AP1S1: variants seen among roughly 807,000 people sequenced by gnomAD.
AP1S1 encodes the protein AP-1 complex subunit sigma-1A.
A neutral mutation model predicts 23.9 loss-of-function variants in AP1S1; 13 were observed. The observed-to-expected ratio is 0.54, with a 90% CI of 0.35 to 0.86. The LOEUF is 0.86. AP1S1 is among the 40% of genes least tolerant of loss of function. AP1S1 has a pLI of 0.01. For synonymous variants in AP1S1, 84 were observed against 77.7 expected (o/e 1.08, Z -0.43); for missense variants, 119 against 197.6 (o/e 0.60, Z 2.38).
In AP1S1 at chr7:101,156,597, C is replaced by G; in HGVS notation, c.7C>G (p.Arg3Gly). 6.2e-7 allele frequency: 1 copy of G among 1,610,744 alleles called. No individual in the cohort carries two copies. Among genetic ancestry groups the G allele is most frequent in the Non-Finnish European group, 8.5e-7 (1 of 1,178,438 alleles). Residue 3 changes from arginine to glycine, a missense_variant, in exon 2 of 5, where the codon CGG becomes GGG. Physicochemically the swap from Arg to Gly is moderately radical, Grantham distance 125 (BLOSUM62 -2). Transcript: ENST00000337619. MM[R>G]FMLLFSRQGK... ...TCTGCCCTCCCATCCCCCACAGATG[C>G]GGTTCATGCTATTATTCAGCCGGCA...
At chr7:101,159,434 T>A in intron 4 of AP1S1, 1 of 536,648 alleles carries the variant, frequency 1.9e-6, no homozygotes, top group Admixed American at 3.7e-5. Flanking sequence ...TCTGTCCTTC[T>A]CCCAAGCCCC....
At chr7:101,154,726 A>C in intron 1 of AP1S1, 1 of 63,662 alleles carries the variant, frequency 1.6e-5, no homozygotes, top group Non-Finnish European at 2.1e-5. Flanking sequence ...GCGCATTTGC[A>C]GGGCGAGCGG....
intron 1 of AP1S1, among the ~76,000 whole-genome samples, chr7:101,155,846 G>C (rs2116685354): frequency 6.6e-6 from 1 of 152,300 alleles, no homozygotes; most frequent in East Asian, 1.9e-4. Context: ...TTTGGCGTCG[G>C]TTACTGTCGT....
Position 101,159,145 on chromosome 7 carries a change from C to T in AP1S1, c.378C>T (p.Thr126=). 1 of 1,613,776 alleles carries T rather than the reference C, an allele frequency of 6.2e-7. No homozygotes were observed. Among genetic ancestry groups the T allele is most frequent in the Non-Finnish European group, 8.5e-7 (1 of 1,179,814 alleles). ...EFLMGGDVQD[T]SKKSVLKAIE... Reference sequence around the variant, plus strand: ...TGATGGGGGGGGATGTCCAGGACACCTCCAAGAAGAGTGTGCTGAAAGCCA... The same window carrying T: ...TGATGGGGGGGGATGTCCAGGACACTTCCAAGAAGAGTGTGCTGAAAGCCA... The change falls in exon 4 of 5, where the codon ACC becomes ACT. Residue 126 remains threonine (T), a synonymous_variant. Transcript: ENST00000337619.
chr7:101,159,377 G>T, intron 4 of AP1S1, 181 bp downstream of exon 4: 1 of 862,898 alleles, frequency 1.2e-6, no homozygotes. Context: ...CCATGGGGTG[G>T]GAGGTAGGGT....
At position 101,159,206 on chromosome 7, in the gene AP1S1, AG is replaced by A. The variant is rs1797044602; in HGVS notation, c.429+13del. ...TGACCTACTGCAAGAGGTACGGGCC[AG>A]GGACAGTGAGGAGGAGGAGGAAGCG... On this transcript the variant is annotated intron_variant, in intron 4 of 4. Transcript: ENST00000337619. The A allele has an allele frequency of 2.5e-6, 4 of 1,604,820 alleles. No homozygotes were observed. The highest frequency in any genetic ancestry group is 3.4e-6 in the Non-Finnish European group (4 of 1,175,870).
intron 1 of AP1S1, 140 bp from the exon 2 acceptor site, chr7:101,156,452 GCT>G: frequency 1.0e-6 from 1 of 973,060 alleles, no homozygotes; most frequent in Non-Finnish European, 1.5e-6. Context: ...AGACTCAGAA[GCT>G]CTGACTTCCC....
chr7:101,156,563 A>T, intron 1 of AP1S1, 31 bp from the exon 2 acceptor site: 1 of 1,592,822 alleles, frequency 6.3e-7, no homozygotes, highest in East Asian at 2.3e-5. Context: ...ATGTGTGGTT[A>T]CCCTCGGTTC....
At chr7:101,159,860 G>A (rs1015814343) in intron 4 of AP1S1, among the ~76,000 whole-genome samples, 1 of 151,864 alleles carries the variant, frequency 6.6e-6, no homozygotes, top group African/African-American at 2.4e-5. Flanking sequence ...CTGGCTCTGA[G>A]GAGGGGGAGA....
At chr7:101,160,430 G>C in intron 4 of AP1S1, 89 bp from the exon 5 acceptor site, 9 of 1,486,316 alleles carry the variant, frequency 6.1e-6, no homozygotes, top group Non-Finnish European at 7.4e-6. Context: ...TGCCTCCCCC[G>C]TCTGACTCTT....
In AP1S1 at chr7:101,159,125, G is replaced by T. The variant is rs759314885; in HGVS notation, c.358G>T (p.Gly120Trp). 3 of 1,613,710 alleles carry T rather than the reference G, an allele frequency of 1.9e-6. No individual in the cohort carries two copies. Among genetic ancestry groups the T allele is most frequent in the Non-Finnish European group, 2.5e-6 (3 of 1,179,788 alleles). ...CTTCATCCTGGATGAGTTTTTGATG[G>T]GGGGGGATGTCCAGGACACCTCCAA... ...AYFILDEFLMGGDVQDTSKKS... is the reference protein window; with the variant it reads ...AYFILDEFLMWGDVQDTSKKS... Residue 120 changes from glycine to tryptophan, a missense_variant, in exon 4 of 5, where the codon GGG becomes TGG. By Grantham distance (184) the Gly-to-Trp change is radical (BLOSUM62 -2). Coordinates refer to ENST00000337619, the MANE Select transcript of AP1S1 (RefSeq NM_001283.5).
chr7:101,159,883 G>A (rs1202523772), intron 4 of AP1S1, among the ~76,000 whole-genome samples: 3 of 151,772 alleles, frequency 2.0e-5, no homozygotes, highest in African/African-American at 7.3e-5. Context: ...TGGGGGGCGA[G>A]GGAGGGCTCA....
chr7:101,157,286 G>A, intron 2 of AP1S1, 91 bp from the exon 3 acceptor site: 1 of 1,086,806 alleles, frequency 9.2e-7, no homozygotes, highest in Non-Finnish European at 1.3e-6. Flanking sequence ...CCAGGGCACA[G>A]ACCACCTCCA....
rs1191720959 is a variant in AP1S1 at position 101,160,639 on chromosome 7, G to T, written c.*73G>T. 11 of 1,559,046 alleles carry T rather than the reference G, an allele frequency of 7.1e-6. No homozygotes were observed. The highest frequency in any genetic ancestry group is 9.6e-6 in the Non-Finnish European group (11 of 1,142,214). On this transcript the variant is annotated 3_prime_UTR_variant, in exon 5 of 5. Transcript: ENST00000337619. ...GAACGGCTGCTTCTCCTCTGCCCAG[G>T]GCCCTGTTCTTGGTGGGACTCGGCT...
At chr7:101,155,638 G>A (rs953296254) in intron 1 of AP1S1, among the ~76,000 whole-genome samples, 1 of 152,226 alleles carries the variant, frequency 6.6e-6, no homozygotes, top group African/African-American at 2.4e-5. Flanking sequence ...TGCATACCCT[G>A]TGTGGTGTTG....
chr7:101,160,967 C>T lies in AP1S1; in HGVS notation c.*401C>T. On this transcript the variant is annotated 3_prime_UTR_variant, in exon 5 of 5. Transcript: ENST00000337619. ...CTCTCTGTCCCATAACCTACCTCCA[C>T]CCTCCCCCTAGCCAGCCAGGCAGCT... is the stretch of plus-strand genomic sequence containing the variant. 1 of 362,290 alleles carries T rather than the reference C, an allele frequency of 2.8e-6. No homozygotes were observed. The allele number at this position is 362,290 out of a possible 1,614,324, so 22.4% of individuals were successfully genotyped here. A position where few individuals can be genotyped will look rare whatever the true frequency, so the allele number is the denominator to read the frequency against.
At chr7:101,156,923 T>G (rs1797001630) in intron 2 of AP1S1, among the ~76,000 whole-genome samples, 151 bp downstream of exon 2, 1 of 151,814 alleles carries the variant, frequency 6.6e-6, no homozygotes, top group African/African-American at 2.4e-5. Context: ...TTTTTTTTTT[T>G]TTTTTTCTCC....
At chr7:101,158,964 TGGG>T in intron 3 of AP1S1, 92 bp from the exon 4 acceptor site, 1 of 1,495,332 alleles carries the variant, frequency 6.7e-7, no homozygotes, top group Non-Finnish European at 9.1e-7. Context: ...GCTTGGAGGT[TGGG>T]GGCAGAACCC....
At chr7:101,160,284 G>A (rs1002681171) in intron 4 of AP1S1, among the ~76,000 whole-genome samples, 22 of 152,194 alleles carry the variant, frequency 1.4e-4, no homozygotes, top group Admixed American at 9.8e-4. Context: ...GGGTGGTGAC[G>A]GACTCAACCT....
Sources: gnomAD v4.1 joint callset for allele counts (sites outside exome capture counted in the v4.1 genomes callset) on GRCh38, gnomAD v4.1.1 for gene constraint, MANE v1.5 for transcripts, NCBI Gene and HGNC (gene_info 2026-07-23, HGNC 2026-07-21) for gene names.